The following WWOX variants were observed in gnomAD, a reference collection of about 807,000 sequenced individuals.
WWOX encodes the protein WW domain containing oxidoreductase, also known as WW domain-containing oxidoreductase.
Under a neutral mutation model 46.2 loss-of-function variants are expected in WWOX, and 69 were observed. That is an observed-to-expected ratio of 1.49 (90% confidence interval 1.23 to 1.82). The LOEUF is 1.82. WWOX is among the 40% of genes most tolerant of loss of function. The pLI is 0.00. For synonymous variants in WWOX, 359 were observed against 202.6 expected, an observed-to-expected ratio of 1.77 and a Z score of -6.56; for missense variants, 919 against 542.6, an observed-to-expected ratio of 1.69 and a Z score of -6.89.
intron 8 of WWOX, among the ~76,000 whole-genome samples, chr16:78,904,986 C>G (rs1178562700): frequency 1.3e-5 from 2 of 152,168 alleles, no homozygotes; most frequent in South Asian, 2.1e-4. Context: ...AATAGAGTAC[C>G]TCATCCTATA....
At chr16:78,958,558 C>G (rs907596232) in intron 8 of WWOX, among the ~76,000 whole-genome samples, 2 of 152,164 alleles carry the variant, frequency 1.3e-5, no homozygotes, top group Admixed American at 6.5e-5. Flanking sequence ...CTTGCAGTTT[C>G]CAAAGTAAGC....
chr16:78,107,062 G>A (rs150489868), intron 1 of WWOX, among the ~76,000 whole-genome samples: 4 of 152,174 alleles, frequency 2.6e-5, no homozygotes, highest in African/African-American at 7.2e-5. Flanking sequence ...TAGAAAATTC[G>A]TGCTCTCTGT....
intron 8 of WWOX, chr16:78,890,291 T>C (rs947705885): frequency 6.6e-5 from 10 of 152,182 alleles, no homozygotes; most frequent in African/African-American, 2.4e-4. Context: ...CCCATTTTCA[T>C]ATTCTTATTT....
intron 8 of WWOX, among the ~76,000 whole-genome samples, chr16:78,621,653 G>A (rs2046190191): frequency 9.9e-6 from 1 of 100,866 alleles, no homozygotes; most frequent in African/African-American, 3.9e-5. Context: ...TGTCTAGGCT[G>A]GAGTGCAGTG....
intron 5 of WWOX, among the ~76,000 whole-genome samples, chr16:78,242,791 TGAGGTCAG>T (rs2037697712): frequency 6.6e-6 from 1 of 152,076 alleles, no homozygotes; most frequent in South Asian, 2.1e-4. Context: ...GCAGATCACT[TGAGGTCAG>T]GAGTTCGAGA....
intron 6 of WWOX, among the ~76,000 whole-genome samples, chr16:78,401,010 A>G (rs1365081428): frequency 2.6e-5 from 4 of 152,090 alleles, no homozygotes; most frequent in Non-Finnish European, 5.9e-5. Flanking sequence ...TGTAGAGACG[A>G]GGTCTCCTTG....
chr16:78,904,995 T>C (rs2044924891), intron 8 of WWOX, among the ~76,000 whole-genome samples: 2 of 152,306 alleles, frequency 1.3e-5, no homozygotes, highest in East Asian at 3.9e-4. Context: ...CCTCATCCTA[T>C]AGTGTTATTA....
At chr16:78,895,362 G>C (rs1248976014) in intron 8 of WWOX, 1 of 152,118 alleles carries the variant, frequency 6.6e-6, no homozygotes, top group Non-Finnish European at 1.5e-5. Flanking sequence ...CAGTACCCTA[G>C]AAACACAGCC....
chr16:78,184,091 G>A (rs893781622), intron 5 of WWOX, among the ~76,000 whole-genome samples: 2 of 152,092 alleles, frequency 1.3e-5, no homozygotes, highest in African/African-American at 2.4e-5. Context: ...ACAGACCTCG[G>A]TGCTCACGGT....
intron 8 of WWOX, among the ~76,000 whole-genome samples, chr16:78,456,126 G>A (rs1266029685): frequency 6.6e-6 from 1 of 152,218 alleles, no homozygotes; most frequent in African/African-American, 2.4e-5. Context: ...ACGGACTGAA[G>A]TGCCCAAGCT....
At chr16:78,327,802 C>T (rs1325344277) in intron 5 of WWOX, among the ~76,000 whole-genome samples, 3 of 150,264 alleles carry the variant, frequency 2.0e-5, no homozygotes, top group African/African-American at 4.9e-5. Flanking sequence ...CTGCAAAGCT[C>T]TTAGAGCACC....
At chr16:78,853,370 G>T (rs552644878) in intron 8 of WWOX, among the ~76,000 whole-genome samples, 7 of 152,206 alleles carry the variant, frequency 4.6e-5, no homozygotes, top group African/African-American at 1.7e-4. Context: ...ATGCCACGAA[G>T]CCCGACTGAT....
At chr16:78,609,324 G>GTTATCACTTAT (rs1567433644) in intron 8 of WWOX, among the ~76,000 whole-genome samples, 1 of 151,990 alleles carries the variant, frequency 6.6e-6, no homozygotes, top group Non-Finnish European at 1.5e-5. Flanking sequence ...CATTTTCAAG[G>GTTATCACTTAT]GGAGGCTTAG....
Position 78,587,193 on chromosome 16 carries a change from C to CTTTTTTTTTTTTTTTTTT in WWOX, c.1056+154447_1056+154464dup, listed in dbSNP as rs528293412. On this transcript the variant is annotated intron_variant, in intron 8 of 8. Transcript: ENST00000566780. ...AGCAGATGCCACCATGCCTGGCTAA[C>CTTTTTTTTTTTTTTTTTT]TTTTTTTTTTTTTTTTTTTTTTTGT... 1.8e-5 allele frequency among the ~76,000 whole-genome samples: 2 copies of CTTTTTTTTTTTTTTTTTT among 112,908 alleles called. 1 individual carries two copies. The highest frequency in any genetic ancestry group is 6.8e-5 in the African/African-American group (2 of 29,476). The allele number at this position is 112,908 out of a possible 152,430, so 74.1% of individuals were successfully genotyped here.
intron 8 of WWOX, among the ~76,000 whole-genome samples, chr16:78,760,758 A>G (rs552015560): frequency 6.6e-6 from 1 of 152,200 alleles, no homozygotes; most frequent in Non-Finnish European, 1.5e-5. Flanking sequence ...CCTGGAGAGC[A>G]TTACAGGCTG....
chr16:79,060,369 C>T lies in WWOX; in HGVS notation c.1057-151239C>T, dbSNP rs142617553. Among the ~76,000 whole-genome samples, 561 of 152,324 alleles carry T rather than the reference C, an allele frequency of 3.7e-3. 1 individual carries two copies. Among genetic ancestry groups the T allele is most frequent in the African/African-American group, 0.013 (541 of 41,568 alleles). On this transcript the variant is annotated intron_variant, in intron 8 of 8. Transcript: ENST00000566780. ...TCCAGTGAGGCTTTTGGCCACTGGC[C>T]GTTAATTGGTAAGGTTCTTGAAAAC...
At chr16:78,400,540 C>CT (rs1411692230) in intron 6 of WWOX, among the ~76,000 whole-genome samples, 5 of 152,020 alleles carry the variant, frequency 3.3e-5, no homozygotes, top group Non-Finnish European at 7.4e-5. Context: ...TGGAAAAAAT[C>CT]TTTGAGTTTC....
chr16:78,924,397 A>G (rs1315970570), intron 8 of WWOX, among the ~76,000 whole-genome samples: 1 of 152,176 alleles, frequency 6.6e-6, no homozygotes, highest in African/African-American at 2.4e-5. Context: ...TCTATCCACA[A>G]ATATTTATTT....
chr16:78,693,841 C>G (rs566773648), intron 8 of WWOX, among the ~76,000 whole-genome samples: 81 of 152,246 alleles, frequency 5.3e-4, no homozygotes, highest in Non-Finnish European at 7.3e-4. Flanking sequence ...ATTATTTAAG[C>G]TGTGAATACC....
Sources: allele counts gnomAD v4.1 joint callset (sites outside exome capture counted in the v4.1 genomes callset), GRCh38; gene constraint gnomAD v4.1.1; transcripts MANE v1.5; gene names NCBI Gene and HGNC (gene_info 2026-07-23, HGNC 2026-07-21).